RPH3AL: variants seen among roughly 807,000 people sequenced by gnomAD.
RPH3AL encodes the protein rabphilin 3A like (without C2 domains).
Under a neutral mutation model 43.1 loss-of-function variants are expected in RPH3AL, and 38 were observed. The observed-to-expected ratio is 0.88, with a 90% CI of 0.68 to 1.15. The LOEUF (loss-of-function observed/expected upper bound fraction) is 1.15, where lower values mean the gene tolerates loss of function less well. Ranked by LOEUF, RPH3AL falls within the 50% of genes most tolerant of loss-of-function variation. The pLI, the probability that RPH3AL is intolerant of heterozygous loss-of-function variation, is 0.00. For synonymous variants in RPH3AL, 189 were observed against 176.3 expected, an observed-to-expected ratio of 1.07 and a Z score of -0.57; for missense variants, 462 against 423.2, an observed-to-expected ratio of 1.09 and a Z score of -0.81.
chr17:318,951 T>C (rs1020261976), intron 5 of RPH3AL, among the ~76,000 whole-genome samples: 17 of 152,228 alleles, frequency 1.1e-4, no homozygotes, highest in Admixed American at 7.9e-4. Context: ...CTTGTTGCCT[T>C]CATATATTCT....
At chr17:226,605 G>A (rs927121842) in intron 7 of RPH3AL, among the ~76,000 whole-genome samples, 1 of 152,216 alleles carries the variant, frequency 6.6e-6, no homozygotes, top group Non-Finnish European at 1.5e-5. Flanking sequence ...AAACCCTGCT[G>A]AGAAGCCCTG....
At chr17:312,391 T>G (rs1182319300) in intron 5 of RPH3AL, among the ~76,000 whole-genome samples, 1 of 152,156 alleles carries the variant, frequency 6.6e-6, no homozygotes, top group African/African-American at 2.4e-5. Flanking sequence ...CTGCAAGCCA[T>G]GAACAGGGCC....
Position 235,371 on chromosome 17 carries a change from GC to G in RPH3AL, c.613+11739del, listed in dbSNP as rs1440711363. Among the ~76,000 whole-genome samples the G allele has an allele frequency of 3.6e-3, 527 of 145,408 alleles. 3 individuals carry two copies. Among genetic ancestry groups the G allele is most frequent in the Middle Eastern group, 7.6e-3 (2 of 262 alleles). Reference sequence around the variant, plus strand: ...GATCCAGGGTTCAAAGCTGGGGTCGGCCGAGGCTCTACACTAACAAGACAGG... The same window carrying G: ...GATCCAGGGTTCAAAGCTGGGGTCGGCGAGGCTCTACACTAACAAGACAGG... On this transcript the variant is annotated intron_variant, in intron 7 of 9. Transcript: ENST00000331302.
In RPH3AL at chr17:225,672, C is replaced by T. The variant is rs545575885; in HGVS notation, c.614-5936G>A. 3.9e-5 allele frequency among the ~76,000 whole-genome samples: 6 copies of T among 152,314 alleles called. No individual in the cohort carries two copies. The South Asian group carries it at 6.2e-4, about 16-fold the overall frequency. On this transcript the variant is annotated intron_variant, in intron 7 of 9. Coordinates refer to ENST00000331302, the MANE Select transcript of RPH3AL (RefSeq NM_006987.4). This position sits in a 1 kb window ranked among gnomAD's most constrained non-coding sequence, Gnocchi z 4.4. Reference sequence around the variant, plus strand: ...GGTGGCTCGTCTGCACACCGGTTTCCGCCTCTCTCTGGCAGAGATGCTTAT... The same window carrying T: ...GGTGGCTCGTCTGCACACCGGTTTCTGCCTCTCTCTGGCAGAGATGCTTAT...
At position 333,281 on chromosome 17, in the gene RPH3AL, G is replaced by A. The variant is rs142325422; in HGVS notation, c.-37+478C>T. ...AGAGACGGCCATTATGCAGCCTCAC[G>A]TGGTCACTCCTGGGGGCGGTAGGAT... On this transcript the variant is annotated intron_variant, in intron 2 of 9. Transcript: ENST00000331302. The surrounding 1 kb of genome is among the most constrained non-coding windows in gnomAD (Gnocchi z 4.5). 23 of 1,288,042 alleles carry A rather than the reference G, an allele frequency of 1.8e-5. No individual in the cohort carries two copies. In the East Asian group the frequency reaches 7.8e-4, roughly 44 times the overall value. The allele number at this position is 1,288,042 out of a possible 1,614,324, so 79.8% of individuals were successfully genotyped here.
At chr17:218,427 A>G (rs576995530) in intron 8 of RPH3AL, among the ~76,000 whole-genome samples, 269 of 150,478 alleles carry the variant, frequency 1.8e-3, no homozygotes, top group Non-Finnish European at 3.0e-3. Flanking sequence ...TGGGGCAGTT[A>G]TTATGGAGCC....
intron 1 of RPH3AL, among the ~76,000 whole-genome samples, chr17:350,981 T>C (rs1306218710): frequency 6.6e-6 from 1 of 152,158 alleles, no homozygotes; most frequent in African/African-American, 2.4e-5. Context: ...AAGAGGTCAC[T>C]GAGTAGCTCT....
At chr17:281,679 C>G (rs551181130) in intron 6 of RPH3AL, 89 bp downstream of exon 6, 1 of 660,692 alleles carries the variant, frequency 1.5e-6, no homozygotes, top group East Asian at 2.7e-5. Flanking sequence ...CCCAGCCCTC[C>G]CCACCGTCAC....
intron 7 of RPH3AL, among the ~76,000 whole-genome samples, chr17:229,523 A>G (rs533840858): frequency 6.6e-6 from 1 of 152,344 alleles, no homozygotes; most frequent in South Asian, 2.1e-4. Context: ...TTCCCCCAGG[A>G]CAAGCGCTGG....
intron 5 of RPH3AL, among the ~76,000 whole-genome samples, chr17:293,622 T>A (rs1031533595): frequency 2.0e-5 from 3 of 151,992 alleles, no homozygotes; most frequent in Non-Finnish European, 4.4e-5. Context: ...CATCGAGAAC[T>A]GGGCTGAGGG....
At chr17:314,997 A>C (rs1339996897) in intron 5 of RPH3AL, among the ~76,000 whole-genome samples, 8 of 133,032 alleles carry the variant, frequency 6.0e-5, no homozygotes, top group African/African-American at 2.1e-4. Flanking sequence ...ACCTCCATTG[A>C]CCTGTAGTCT....
intron 6 of RPH3AL, among the ~76,000 whole-genome samples, chr17:258,207 C>T (rs1228036617): frequency 3.9e-5 from 6 of 152,166 alleles, no homozygotes; most frequent in Admixed American, 6.5e-5. Context: ...CTGTCTCCCC[C>T]ACCAGGCTCC....
intron 6 of RPH3AL, among the ~76,000 whole-genome samples, chr17:273,016 A>ATCAGGAAGAGACCCCAGCGAGGGCGACG (rs1567604608): frequency 5.2e-5 from 2 of 38,202 alleles, no homozygotes; most frequent in Admixed American, 3.0e-4. Flanking sequence ...CGAGGGCGAC[A>ATCAGGAAGAGACCCCAGCGAGGGCGACG]TCAGGAAGAG....
At chr17:214,671 G>A (rs905059405) in intron 9 of RPH3AL, 8 of 152,168 alleles carry the variant, frequency 5.3e-5, no homozygotes, top group African/African-American at 1.9e-4. Flanking sequence ...TTGGCAGGCT[G>A]AGGCAGGAGG....
chr17:219,992 T>C (rs1269589067), intron 7 of RPH3AL, among the ~76,000 whole-genome samples: 1 of 152,194 alleles, frequency 6.6e-6, no homozygotes, highest in Non-Finnish European at 1.5e-5. Flanking sequence ...AGTTCACCTG[T>C]TGGCCAGCCA....
At chr17:342,250 A>G (rs4985575) in intron 1 of RPH3AL, among the ~76,000 whole-genome samples, 150,068 of 152,298 alleles carry the variant, frequency 0.99, 74,017 homozygotes, top group Non-Finnish European at 1. Flanking sequence ...GAACACTTGT[A>G]TCTTGTTGGT....
intron 5 of RPH3AL, among the ~76,000 whole-genome samples, chr17:315,663 C>G (rs1195867949): frequency 1.3e-5 from 2 of 152,334 alleles, no homozygotes. Context: ...GCTCCACCTC[C>G]ACTGACCTGT....
At chr17:320,945 G>A (rs944465383) in intron 4 of RPH3AL, among the ~76,000 whole-genome samples, 1 of 152,148 alleles carries the variant, frequency 6.6e-6, no homozygotes, top group Non-Finnish European at 1.5e-5. Context: ...CCCTCCCTTG[G>A]CTGAACCACA....
At chr17:308,316 C>CA (rs1178501534) in intron 5 of RPH3AL, among the ~76,000 whole-genome samples, 1 of 152,142 alleles carries the variant, frequency 6.6e-6, no homozygotes, top group African/African-American at 2.4e-5. Context: ...GGAGGCTCTG[C>CA]AAAAAACTGA....
Sources: allele counts gnomAD v4.1 joint callset (sites outside exome capture counted in the v4.1 genomes callset), GRCh38; gene constraint gnomAD v4.1.1; non-coding constraint Gnocchi (gnomAD v3.1); transcripts MANE v1.5; gene names NCBI Gene and HGNC (gene_info 2026-07-23, HGNC 2026-07-21).